Variants in NTRK2 observed in about 807,000 individuals in gnomAD.
The protein encoded by NTRK2 is BDNF/NT-3 growth factors receptor.
In NTRK2, 13 loss-of-function variants were observed where a neutral mutation model predicts 94.5. That is an observed-to-expected ratio of 0.14 (90% confidence interval 0.09 to 0.22). NTRK2 has a LOEUF of 0.22. Among genes scored for constraint, NTRK2 ranks in the 10% least tolerant of loss-of-function variants. The probability of loss-of-function intolerance (pLI) is 1.00; values close to 1 mark genes in which losing one functional copy is unlikely to be tolerated. For synonymous variants in NTRK2, 372 were observed against 407.4 expected, an observed-to-expected ratio of 0.91 and a Z score of 1.05; for missense variants, 639 against 1,071.2, an observed-to-expected ratio of 0.60 and a Z score of 5.63.
At chr9:84,808,541 A>G (rs924738938) in intron 12 of NTRK2, among the ~76,000 whole-genome samples, 1 of 152,208 alleles carries the variant, frequency 6.6e-6, no homozygotes, top group Non-Finnish European at 1.5e-5. Context: ...CCACCCTCTT[A>G]AAAGCTAAGA....
At chr9:84,742,685 C>G (rs561301163) in intron 10 of NTRK2, among the ~76,000 whole-genome samples, 1 of 151,062 alleles carries the variant, frequency 6.6e-6, no homozygotes, top group South Asian at 2.1e-4. Context: ...CACCCCCAGA[C>G]TTTAAGTCAG....
intron 14 of NTRK2, among the ~76,000 whole-genome samples, chr9:84,869,736 C>T (rs539501294): frequency 6.6e-6 from 1 of 152,086 alleles, no homozygotes; most frequent in African/African-American, 2.4e-5. Context: ...CCTTTGATGT[C>T]GGCCACATGT....
intron 12 of NTRK2, chr9:84,810,917 T>A: frequency 4.2e-6 from 5 of 1,190,404 alleles, no homozygotes; most frequent in South Asian, 3.3e-5. Context: ...AAAAGTGTGC[T>A]TTTTGACCCT....
intron 14 of NTRK2, among the ~76,000 whole-genome samples, chr9:84,926,522 G>A (rs774672780): frequency 9.9e-5 from 15 of 151,958 alleles, no homozygotes; most frequent in Non-Finnish European, 8.8e-5. Flanking sequence ...ATGAGCCACC[G>A]CACCCGGCCC....
intron 12 of NTRK2, among the ~76,000 whole-genome samples, chr9:84,756,248 G>A (rs2065072698): frequency 6.6e-6 from 1 of 152,188 alleles, no homozygotes; most frequent in African/African-American, 2.4e-5. Context: ...CATTGCCAAA[G>A]GAATAGGCAA....
chr9:84,887,545 A>G (rs2076455675), intron 14 of NTRK2, among the ~76,000 whole-genome samples: 1 of 152,234 alleles, frequency 6.6e-6, no homozygotes, highest in Non-Finnish European at 1.5e-5. Flanking sequence ...GAGAAAAACG[A>G]TGTGAGTTTC....
intron 14 of NTRK2, among the ~76,000 whole-genome samples, chr9:84,894,163 T>G (rs62563862): frequency 2.8e-4 from 2 of 7,140 alleles, no homozygotes; most frequent in African/African-American, 1.3e-3. Flanking sequence ...CTTGACTATT[T>G]GGGAGAATAT....
At chr9:84,987,107 T>C (rs1418290472) in intron 17 of NTRK2, among the ~76,000 whole-genome samples, 1 of 152,204 alleles carries the variant, frequency 6.6e-6, no homozygotes, top group Non-Finnish European at 1.5e-5. Context: ...AAGACCCAGG[T>C]TGACCCAATT....
rs150643456 is a variant in NTRK2 at position 84,756,330 on chromosome 9, C to T, written c.1396+4245C>T. The stretch of plus-strand genomic sequence containing the variant: ...TAGCTCTCGCATTGCTTCCTGGCTC[C>T]GTGTCTTCACTGAAGACGTAGGAGT... On this transcript the variant is annotated intron_variant, in intron 12 of 18. Coordinates refer to ENST00000277120, the MANE Select transcript of NTRK2 (RefSeq NM_006180.6). Among the ~76,000 whole-genome samples, 703 of 152,236 alleles carry T rather than the reference C, an allele frequency of 4.6e-3. 7 individuals are homozygous for T. The highest frequency in any genetic ancestry group is 0.016 in the African/African-American group (663 of 41,548).
intron 14 of NTRK2, chr9:84,876,118 C>A (rs2076057037): frequency 9.6e-7 from 1 of 1,037,216 alleles, no homozygotes; most frequent in African/African-American, 1.7e-5. Flanking sequence ...TGCCATTGAA[C>A]TTTTGGGTGC....
intron 12 of NTRK2, chr9:84,812,213 G>T (rs1349778428): frequency 9.5e-7 from 1 of 1,056,226 alleles, no homozygotes; most frequent in African/African-American, 1.7e-5. Context: ...GGTACCACTT[G>T]ATATAAAAAG....
At chr9:84,816,418 G>A (rs1475878598) in intron 12 of NTRK2, among the ~76,000 whole-genome samples, 1 of 152,006 alleles carries the variant, frequency 6.6e-6, no homozygotes, top group African/African-American at 2.4e-5. Flanking sequence ...ATCAGACTTA[G>A]GGATTGGAAA....
chr9:84,896,372 G>T (rs2076758839), intron 14 of NTRK2, among the ~76,000 whole-genome samples: 1 of 152,164 alleles, frequency 6.6e-6, no homozygotes, highest in Non-Finnish European at 1.5e-5. Flanking sequence ...CAGAGCTGGG[G>T]CTCAGGAGCA....
intron 17 of NTRK2, among the ~76,000 whole-genome samples, chr9:85,017,694 A>G (rs924534403): frequency 6.6e-6 from 1 of 152,238 alleles, no homozygotes; most frequent in Non-Finnish European, 1.5e-5. Flanking sequence ...CATTTGACAT[A>G]TTTGATCTAG....
At chr9:85,015,098 T>G (rs1371161970) in intron 17 of NTRK2, among the ~76,000 whole-genome samples, 1 of 152,212 alleles carries the variant, frequency 6.6e-6, no homozygotes, top group African/African-American at 2.4e-5. Flanking sequence ...TTAACTTCCC[T>G]CTTTAGTCTC....
chr9:84,882,658 T>A (rs527388853), intron 14 of NTRK2, among the ~76,000 whole-genome samples: 37 of 152,248 alleles, frequency 2.4e-4, no homozygotes, highest in Middle Eastern at 3.4e-3. Flanking sequence ...GCAAAAGCTC[T>A]TGGACCTGTG....
chr9:84,930,321 G>A lies in NTRK2; in HGVS notation c.1634-3841G>A, dbSNP rs139583879. Among the ~76,000 whole-genome samples, 955 of 152,244 alleles carry A rather than the reference G, an allele frequency of 6.3e-3. 14 individuals carry two copies. The highest frequency in any genetic ancestry group is 0.022 in the African/African-American group (910 of 41,536). The stretch of plus-strand genomic sequence containing the variant: ...CAGGTTACTGAGCCTTTCTGAGCTC[G>A]GCCCCTGAGAAGGAAGGCACTGGTA... On this transcript the variant is annotated intron_variant, in intron 14 of 18. Transcript: ENST00000277120.
intron 17 of NTRK2, among the ~76,000 whole-genome samples, chr9:85,005,376 C>T (rs944620300): frequency 6.6e-6 from 1 of 152,136 alleles, no homozygotes; most frequent in African/African-American, 2.4e-5. Flanking sequence ...CATCTTGGAC[C>T]CTGATTCTGA....
chr9:84,882,719 T>TGTGCGCGTGCGCGCGC (rs761042296), intron 14 of NTRK2, among the ~76,000 whole-genome samples: 2 of 145,742 alleles, frequency 1.4e-5, no homozygotes, highest in African/African-American at 2.6e-5. Context: ...TGTGTGTGTG[T>TGTGCGCGTGCGCGCGC]GCGCGCGCGC....
Sources: allele counts gnomAD v4.1 joint callset (sites outside exome capture counted in the v4.1 genomes callset), GRCh38; gene constraint gnomAD v4.1.1; transcripts MANE v1.5; gene names NCBI Gene and HGNC (gene_info 2026-07-23, HGNC 2026-07-21).